TRPM3: variants seen among roughly 807,000 people sequenced by gnomAD.
TRPM3 encodes transient receptor potential cation channel subfamily M member 3.
A neutral mutation model predicts 181.2 loss-of-function variants in TRPM3; 77 were observed. The ratio of observed to expected loss-of-function variants is 0.42; its 90% CI spans 0.35 to 0.51. The LOEUF (loss-of-function observed/expected upper bound fraction) is 0.51, where lower values mean the gene tolerates loss of function less well. TRPM3 is among the 20% of genes least tolerant of loss of function. The probability of loss-of-function intolerance (pLI) is 0.01; values close to 1 mark genes in which losing one functional copy is unlikely to be tolerated. For missense variants in TRPM3, 1,759 were observed against 2,196.7 expected (o/e 0.80, Z 3.98); for synonymous variants, 745 against 796.4 (o/e 0.94, Z 1.09).
intron 7 of TRPM3, among the ~76,000 whole-genome samples, chr9:70,771,244 G>C (rs11142581): frequency 0.15 from 23,532 of 152,104 alleles, 2,409 homozygotes; most frequent in East Asian, 0.39. Flanking sequence ...TGAGAGATTT[G>C]ATATTTAGGA....
chr9:70,946,714 C>T (rs1291505886), intron 1 of TRPM3, among the ~76,000 whole-genome samples: 1 of 152,108 alleles, frequency 6.6e-6, no homozygotes, highest in African/African-American at 2.4e-5. Flanking sequence ...TCCTCATCCT[C>T]CTTTCCAGTC....
chr9:71,385,538 A>G (rs562874022), intron 1 of TRPM3, among the ~76,000 whole-genome samples: 10 of 152,310 alleles, frequency 6.6e-5, no homozygotes, highest in African/African-American at 2.4e-4. Context: ...TGTACTTCCA[A>G]TATGGCTTAT....
chr9:71,233,369 T>C (rs1417544980), intron 1 of TRPM3, among the ~76,000 whole-genome samples: 3 of 152,210 alleles, frequency 2.0e-5, no homozygotes, highest in Non-Finnish European at 2.9e-5. Flanking sequence ...AAAGTTTCAG[T>C]AGCAAATATT....
chr9:70,691,728 A>G (rs891702891), intron 8 of TRPM3, among the ~76,000 whole-genome samples: 8 of 152,214 alleles, frequency 5.3e-5, no homozygotes, highest in African/African-American at 1.9e-4. Flanking sequence ...TCTTATTATA[A>G]AAGCAATGCA....
chr9:71,309,881 G>C (rs2132390829), intron 1 of TRPM3, among the ~76,000 whole-genome samples: 1 of 152,166 alleles, frequency 6.6e-6, no homozygotes, highest in African/African-American at 2.4e-5. Context: ...AGAGTGATTT[G>C]TGGGATAAAA....
At chr9:71,319,787 C>T (rs747897664) in intron 1 of TRPM3, among the ~76,000 whole-genome samples, 22 of 152,018 alleles carry the variant, frequency 1.4e-4, no homozygotes, top group Non-Finnish European at 2.6e-4. Context: ...AGCAAATGAT[C>T]CTCAGGGTCA....
intron 1 of TRPM3, among the ~76,000 whole-genome samples, chr9:71,160,700 A>G (rs892186159): frequency 1.3e-5 from 2 of 152,098 alleles, no homozygotes; most frequent in Non-Finnish European, 2.9e-5. Context: ...CATTCCCTTC[A>G]TAACTGGACC....
At chr9:71,357,732 T>TAA (rs61173147) in intron 1 of TRPM3, among the ~76,000 whole-genome samples, 4 of 149,152 alleles carry the variant, frequency 2.7e-5, no homozygotes, top group African/African-American at 9.8e-5. Flanking sequence ...ATGCTTTCCA[T>TAA]AAAAAAAAAA....
chr9:70,602,106 CTTTTTTT>C (rs6151027), intron 20 of TRPM3, among the ~76,000 whole-genome samples: 2 of 128,182 alleles, frequency 1.6e-5, no homozygotes, highest in East Asian at 2.3e-4. Context: ...CAAGGCATTC[CTTTTTTT>C]TTTTTTTTTT....
chr9:71,126,971 G>C (rs1443384433), intron 1 of TRPM3, among the ~76,000 whole-genome samples: 2 of 151,780 alleles, frequency 1.3e-5, no homozygotes, highest in African/African-American at 4.8e-5. Flanking sequence ...AATGTATAAG[G>C]ATACTTAACA....
At chr9:70,591,326 G>A in intron 21 of TRPM3, 121 bp from the exon 22 acceptor site, 1 of 770,004 alleles carries the variant, frequency 1.3e-6, no homozygotes, top group Non-Finnish European at 2.1e-6. Context: ...TGCTGGGAAG[G>A]GATGTTTAGA....
chr9:71,402,863 T>C (rs1390696346), intron 1 of TRPM3, among the ~76,000 whole-genome samples: 1 of 151,480 alleles, frequency 6.6e-6, no homozygotes, highest in Non-Finnish European at 1.5e-5. Flanking sequence ...TTAACAGCAA[T>C]TGAATCAGAG....
chr9:71,387,049 A>G (rs1224265888), intron 1 of TRPM3, among the ~76,000 whole-genome samples: 2 of 152,344 alleles, frequency 1.3e-5, no homozygotes, highest in East Asian at 3.9e-4. Context: ...GTTATCTAAC[A>G]TATAAGAATA....
At chr9:70,845,441 T>C (rs2094914234) in intron 4 of TRPM3, among the ~76,000 whole-genome samples, 1 of 152,146 alleles carries the variant, frequency 6.6e-6, no homozygotes, top group South Asian at 2.1e-4. Flanking sequence ...GGTTTCACCA[T>C]GTTGGCCAGG....
chr9:71,099,742 T>C (rs1251281738), intron 1 of TRPM3, among the ~76,000 whole-genome samples: 5 of 152,200 alleles, frequency 3.3e-5, no homozygotes, highest in African/African-American at 9.6e-5. Flanking sequence ...AGCTTTCTTT[T>C]ATTCATTCAA....
chr9:71,119,088 A>T (rs963668961), intron 1 of TRPM3, among the ~76,000 whole-genome samples: 3 of 152,168 alleles, frequency 2.0e-5, no homozygotes, highest in African/African-American at 7.2e-5. Context: ...TCATATACCA[A>T]AGCAGCTTTG....
At chr9:70,663,350 A>C (rs1034250704) in intron 9 of TRPM3, among the ~76,000 whole-genome samples, 2 of 152,248 alleles carry the variant, frequency 1.3e-5, no homozygotes, top group South Asian at 4.1e-4. Flanking sequence ...GAACTTATCC[A>C]TGTTCAACCC....
At chr9:71,371,026 T>C (rs2092493133) in intron 1 of TRPM3, among the ~76,000 whole-genome samples, 1 of 151,866 alleles carries the variant, frequency 6.6e-6, no homozygotes, top group African/African-American at 2.4e-5. Context: ...CAGAATGGTT[T>C]ACTGAATATT....
chr9:71,180,033 C>T (rs945577706), intron 1 of TRPM3, among the ~76,000 whole-genome samples: 2 of 146,976 alleles, frequency 1.4e-5, no homozygotes, highest in Non-Finnish European at 3.0e-5. Flanking sequence ...AAGGGGAGAA[C>T]CTTATCATAC....
Sources: allele counts gnomAD v4.1 joint callset (sites outside exome capture counted in the v4.1 genomes callset), GRCh38; gene constraint gnomAD v4.1.1; transcripts MANE v1.5; gene names NCBI Gene and HGNC (gene_info 2026-07-23, HGNC 2026-07-21).